ST6GALNAC3: variants seen among roughly 807,000 people sequenced by gnomAD.
ST6GALNAC3 encodes the protein alpha-N-acetylgalactosaminide alpha-2,6-sialyltransferase 3.
ST6GALNAC3 carries 25 observed loss-of-function variants against 32.7 expected under a neutral mutation model. The ratio of observed to expected loss-of-function variants is 0.76; its 90% CI spans 0.56 to 1.07. The LOEUF is 1.07. Ranked by LOEUF, ST6GALNAC3 falls within the 50% of genes least tolerant of loss-of-function variation. The pLI is 0.00. For missense variants in ST6GALNAC3, 355 were observed against 382.4 expected (o/e 0.93, Z 0.60); for synonymous variants, 129 against 133.1 (o/e 0.97, Z 0.21).
At chr1:76,271,293 AG>A (rs1658831107) in intron 1 of ST6GALNAC3, among the ~76,000 whole-genome samples, 2 of 152,232 alleles carry the variant, frequency 1.3e-5, no homozygotes, top group African/African-American at 4.8e-5. Flanking sequence ...CTTCCAGAAG[AG>A]AATCCGGTCT....
At chr1:76,096,784 G>A (rs1647139683) in intron 1 of ST6GALNAC3, among the ~76,000 whole-genome samples, 1 of 152,076 alleles carries the variant, frequency 6.6e-6, no homozygotes, top group South Asian at 2.1e-4. Context: ...CTCTCCCAAA[G>A]GAGATTGCTG....
chr1:76,320,587 C>G (rs1353398453), intron 2 of ST6GALNAC3, among the ~76,000 whole-genome samples: 1 of 152,036 alleles, frequency 6.6e-6, no homozygotes, highest in Non-Finnish European at 1.5e-5. Context: ...GGAAGTCAGG[C>G]ACATGTACAG....
chr1:76,175,593 T>C (rs1264407845), intron 1 of ST6GALNAC3, among the ~76,000 whole-genome samples: 1 of 151,652 alleles, frequency 6.6e-6, no homozygotes, highest in African/African-American at 2.4e-5. Context: ...GTTAAGGCAG[T>C]TCAAGGATGT....
intron 3 of ST6GALNAC3, among the ~76,000 whole-genome samples, chr1:76,507,877 C>G (rs1053641449): frequency 2.6e-5 from 4 of 152,168 alleles, no homozygotes; most frequent in Non-Finnish European, 4.4e-5. Flanking sequence ...CAGCTGTACC[C>G]TTATACATTC....
intron 1 of ST6GALNAC3, among the ~76,000 whole-genome samples, chr1:76,180,911 T>C (rs12136538): frequency 0.2 from 29,910 of 152,140 alleles, 3,061 homozygotes; most frequent in African/African-American, 0.22. Context: ...GCTCAGGATA[T>C]GAAAGGTGTC....
chr1:76,431,748 A>G (rs527458273), intron 3 of ST6GALNAC3, among the ~76,000 whole-genome samples: 13 of 152,110 alleles, frequency 8.5e-5, no homozygotes, highest in Non-Finnish European at 1.3e-4. Context: ...ACCCTGCCCC[A>G]ATATAAACTG....
At chr1:76,157,240 C>T (rs1167061282) in intron 1 of ST6GALNAC3, among the ~76,000 whole-genome samples, 1 of 152,210 alleles carries the variant, frequency 6.6e-6, no homozygotes, top group African/African-American at 2.4e-5. Flanking sequence ...CATGTGTTCA[C>T]ACTGACGTTT....
At chr1:76,249,090 T>C (rs1484479961) in intron 1 of ST6GALNAC3, among the ~76,000 whole-genome samples, 1 of 152,226 alleles carries the variant, frequency 6.6e-6, no homozygotes, top group African/African-American at 2.4e-5. Context: ...TTTTAAATTA[T>C]AGCTTTATAG....
intron 2 of ST6GALNAC3, among the ~76,000 whole-genome samples, chr1:76,349,009 G>A (rs1648751120): frequency 6.6e-6 from 1 of 152,122 alleles, no homozygotes; most frequent in African/African-American, 2.4e-5. Context: ...GAATCTAATA[G>A]TGCAGAAGAG....
intron 2 of ST6GALNAC3, among the ~76,000 whole-genome samples, chr1:76,320,451 A>G (rs1646944611): frequency 6.6e-6 from 1 of 152,004 alleles, no homozygotes; most frequent in Admixed American, 6.5e-5. Context: ...TGCCCTGCAT[A>G]CTATGTAGGG....
chr1:76,377,655 A>G (rs575263131), intron 2 of ST6GALNAC3, among the ~76,000 whole-genome samples: 8 of 152,168 alleles, frequency 5.3e-5, no homozygotes, highest in Non-Finnish European at 1.2e-4. Context: ...AAACTATATC[A>G]TTGAGTATCC....
At chr1:76,119,685 A>G (rs1648731280) in intron 1 of ST6GALNAC3, among the ~76,000 whole-genome samples, 1 of 152,170 alleles carries the variant, frequency 6.6e-6, no homozygotes, top group Admixed American at 6.6e-5. Context: ...GTTAGGTGAA[A>G]CTTGAACAAC....
chr1:76,523,319 A>C (rs532284810), intron 3 of ST6GALNAC3, among the ~76,000 whole-genome samples: 2 of 152,074 alleles, frequency 1.3e-5, no homozygotes, highest in African/African-American at 4.8e-5. Flanking sequence ...TAATATCTAC[A>C]TCATGTGTGG....
At chr1:76,608,597 A>ATGTG (rs60960904) in intron 3 of ST6GALNAC3, among the ~76,000 whole-genome samples, 8,130 of 135,102 alleles carry the variant, frequency 0.06, 281 homozygotes, top group Non-Finnish European at 0.075. Flanking sequence ...TGAGCTGGAA[A>ATGTG]TGTGTGTGTG....
At chr1:76,283,407 C>T (rs1292627536) in intron 1 of ST6GALNAC3, among the ~76,000 whole-genome samples, 3 of 151,914 alleles carry the variant, frequency 2.0e-5, no homozygotes, top group Non-Finnish European at 2.9e-5. Context: ...TACTTTCAGG[C>T]GCTGTGGTCT....
intron 3 of ST6GALNAC3, among the ~76,000 whole-genome samples, chr1:76,604,765 G>C (rs1010660138): frequency 1.3e-5 from 2 of 152,072 alleles, no homozygotes; most frequent in African/African-American, 4.8e-5. Flanking sequence ...CTTGGTCTCT[G>C]GATTCTCCAT....
chr1:76,446,309 A>C (rs905474536), intron 3 of ST6GALNAC3, among the ~76,000 whole-genome samples: 5 of 152,140 alleles, frequency 3.3e-5, no homozygotes, highest in Admixed American at 3.3e-4. Flanking sequence ...TATATTTGCT[A>C]CAATTGATGA....
chr1:76,082,861 C>T (rs937258798), intron 1 of ST6GALNAC3, among the ~76,000 whole-genome samples: 8 of 150,324 alleles, frequency 5.3e-5, no homozygotes, highest in African/African-American at 1.9e-4. Flanking sequence ...ATACTTGGGT[C>T]GTTTTCGTGT....
At chr1:76,155,553 C>T (rs1651349135) in intron 1 of ST6GALNAC3, among the ~76,000 whole-genome samples, 1 of 152,016 alleles carries the variant, frequency 6.6e-6, no homozygotes, top group African/African-American at 2.4e-5. Context: ...CTGCAAGCTC[C>T]GCCTCCCGGG....
Sources: gnomAD v4.1 joint callset for allele counts (sites outside exome capture counted in the v4.1 genomes callset) on GRCh38, gnomAD v4.1.1 for gene constraint, MANE v1.5 for transcripts, NCBI Gene and HGNC (gene_info 2026-07-23, HGNC 2026-07-21) for gene names.